PTPRM: variants seen among roughly 807,000 people sequenced by gnomAD.
PTPRM encodes the protein receptor-type tyrosine-protein phosphatase mu.
A neutral mutation model predicts 186.7 loss-of-function variants in PTPRM; 47 were observed. The ratio of observed to expected loss-of-function variants is 0.25; its 90% CI spans 0.20 to 0.32. The LOEUF is 0.32. Ranked by LOEUF, PTPRM falls within the 10% of genes least tolerant of loss-of-function variation. The pLI, the probability that PTPRM is intolerant of heterozygous loss-of-function variation, is 1.00. For synonymous variants in PTPRM, 668 were observed against 674.9 expected (o/e 0.99, Z 0.16); for missense variants, 1,494 against 1,865.0 (o/e 0.80, Z 3.66).
intron 1 of PTPRM, among the ~76,000 whole-genome samples, chr18:7,772,333 TTTTC>T (rs1447847206): frequency 2.5e-4 from 37 of 145,536 alleles, no homozygotes; most frequent in Admixed American, 6.9e-4. Flanking sequence ...TCGTTCTTTC[TTTTC>T]TTTCTTTCTT....
chr18:8,323,633 G>A (rs917164175), intron 22 of PTPRM, among the ~76,000 whole-genome samples: 9 of 152,160 alleles, frequency 5.9e-5, no homozygotes, highest in Admixed American at 6.5e-5. Context: ...TTGGGGTTCC[G>A]AACTTAGCCT....
chr18:7,586,245 A>G (rs1308531558), intron 1 of PTPRM, among the ~76,000 whole-genome samples: 2 of 152,120 alleles, frequency 1.3e-5, no homozygotes, highest in African/African-American at 4.8e-5. Context: ...TTCTGTTTCA[A>G]TATCCGGGAT....
chr18:8,260,953 G>A (rs2094624894), intron 19 of PTPRM, among the ~76,000 whole-genome samples: 1 of 152,188 alleles, frequency 6.6e-6, no homozygotes, highest in South Asian at 2.1e-4. Context: ...CCCTTCGCTG[G>A]CTTTTGCACA....
chr18:8,254,520 GT>G (rs1399552859), intron 19 of PTPRM, among the ~76,000 whole-genome samples: 1 of 152,126 alleles, frequency 6.6e-6, no homozygotes, highest in Non-Finnish European at 1.5e-5. Flanking sequence ...TAGACATGTG[GT>G]TTTTTTAAAC....
At chr18:7,632,340 T>C (rs1455770828) in intron 1 of PTPRM, among the ~76,000 whole-genome samples, 1 of 152,218 alleles carries the variant, frequency 6.6e-6, no homozygotes, top group Non-Finnish European at 1.5e-5. Flanking sequence ...AAAGTGAGGC[T>C]CAGAGATGTT....
At position 8,380,438 on chromosome 18, in the gene PTPRM, G is replaced by T. The variant is rs752273835; in HGVS notation, c.3918+11G>T. ...GTGGATCCTGCCCAGGTGAGACCCG[G>T]ACTTCTTACAGTCAGAACTAGTGCC... On this transcript the variant is annotated intron_variant, in intron 29 of 32. Coordinates refer to ENST00000580170, the MANE Select transcript of PTPRM (RefSeq NM_001105244.2). 5.6e-6 allele frequency: 9 copies of T among 1,613,986 alleles called. No individual in the cohort carries two copies. The highest frequency in any genetic ancestry group is 6.8e-6 in the Non-Finnish European group (8 of 1,180,020).
chr18:8,380,979 G>T (rs774680969), intron 29 of PTPRM, among the ~76,000 whole-genome samples: 45 of 152,118 alleles, frequency 3.0e-4, no homozygotes, highest in Admixed American at 1.4e-3. Flanking sequence ...CAATTTTAAG[G>T]CACAGCAATT....
chr18:7,656,959 A>C (rs1199571494), intron 1 of PTPRM, among the ~76,000 whole-genome samples: 1 of 152,012 alleles, frequency 6.6e-6, no homozygotes, highest in Non-Finnish European at 1.5e-5. Flanking sequence ...TGTAAGGCCA[A>C]GGTGGATGTG....
At chr18:7,637,885 C>T (rs1235844963) in intron 1 of PTPRM, among the ~76,000 whole-genome samples, 2 of 152,212 alleles carry the variant, frequency 1.3e-5, no homozygotes, top group Non-Finnish European at 2.9e-5. Flanking sequence ...TGAATCACAT[C>T]ACTGTTCAAA....
At chr18:7,726,554 G>C (rs1440336273) in intron 1 of PTPRM, among the ~76,000 whole-genome samples, 3 of 152,140 alleles carry the variant, frequency 2.0e-5, no homozygotes, top group Non-Finnish European at 4.4e-5. Flanking sequence ...ATGAATAAAT[G>C]AGTGGTGTAT....
chr18:7,848,050 G>T (rs1053918590), intron 2 of PTPRM, among the ~76,000 whole-genome samples: 4 of 152,156 alleles, frequency 2.6e-5, no homozygotes, highest in Non-Finnish European at 5.9e-5. Context: ...GCACCCAAAT[G>T]TATTTACATT....
chr18:8,043,106 G>A (rs1411340169), intron 7 of PTPRM, among the ~76,000 whole-genome samples: 1 of 152,186 alleles, frequency 6.6e-6, no homozygotes. Flanking sequence ...AGGGAGATGT[G>A]AAGAGAACAT....
intron 7 of PTPRM, among the ~76,000 whole-genome samples, chr18:7,965,460 A>G (rs959435584): frequency 6.6e-5 from 10 of 151,956 alleles, no homozygotes; most frequent in African/African-American, 2.4e-4. Context: ...ATTTGCACAC[A>G]TACCCCAGGA....
intron 19 of PTPRM, among the ~76,000 whole-genome samples, chr18:8,272,070 G>C (rs1387280387): frequency 6.6e-6 from 1 of 151,934 alleles, no homozygotes; most frequent in Non-Finnish European, 1.5e-5. Flanking sequence ...AAAATTAGCT[G>C]GGCGTGGTGG....
chr18:8,155,770 G>A (rs1044464704), intron 14 of PTPRM, among the ~76,000 whole-genome samples: 7 of 152,240 alleles, frequency 4.6e-5, no homozygotes, highest in African/African-American at 1.7e-4. Flanking sequence ...TAGTTCCCCC[G>A]GCCTATCCAT....
chr18:7,644,428 G>A (rs1004953324), intron 1 of PTPRM, among the ~76,000 whole-genome samples: 2 of 152,096 alleles, frequency 1.3e-5, no homozygotes, highest in South Asian at 2.1e-4. Context: ...AGAATTGTAC[G>A]TCAGTTCTAC....
intron 1 of PTPRM, among the ~76,000 whole-genome samples, chr18:7,750,859 A>G (rs1295519366): frequency 6.6e-6 from 1 of 152,070 alleles, no homozygotes; most frequent in Non-Finnish European, 1.5e-5. Context: ...AAGGCCAAAA[A>G]TGATCAAATG....
chr18:7,902,358 T>C (rs2049739669), intron 3 of PTPRM, among the ~76,000 whole-genome samples: 1 of 152,148 alleles, frequency 6.6e-6, no homozygotes, highest in African/African-American at 2.4e-5. Flanking sequence ...ATGGGGCGAA[T>C]TGGCTTGTTT....
chr18:7,585,408 G>A (rs997802817), intron 1 of PTPRM, among the ~76,000 whole-genome samples: 17 of 152,154 alleles, frequency 1.1e-4, no homozygotes, highest in Non-Finnish European at 2.9e-5. Context: ...AGTTTGAATA[G>A]TTTTTGTTTT....
Sources: allele counts gnomAD v4.1 joint callset (sites outside exome capture counted in the v4.1 genomes callset), GRCh38; gene constraint gnomAD v4.1.1; transcripts MANE v1.5; gene names NCBI Gene and HGNC (gene_info 2026-07-23, HGNC 2026-07-21).